Variants in FBXL16 observed in about 807,000 individuals in gnomAD.
The protein encoded by FBXL16 is F-box/LRR-repeat protein 16.
FBXL16 carries 7 observed loss-of-function variants against 36.7 expected under a neutral mutation model. That is an observed-to-expected ratio of 0.19 (90% confidence interval 0.11 to 0.36). The LOEUF (loss-of-function observed/expected upper bound fraction) is 0.36, where lower values mean the gene tolerates loss of function less well. Among genes scored for constraint, FBXL16 ranks in the 10% least tolerant of loss-of-function variants. The pLI is 1.00. For missense variants in FBXL16, 463 were observed against 659.4 expected (o/e 0.70, Z 3.26); for synonymous variants, 355 against 308.7 (o/e 1.15, Z -1.57).
At chr16:694,834 T>G (rs1211686931) in intron 4 of FBXL16, 137 bp from the exon 5 acceptor site, 2 of 1,273,360 alleles carry the variant, frequency 1.6e-6, no homozygotes, top group African/African-American at 3.0e-5. Context: ...GGCTGGGAAG[T>G]GCTCGTGGGG....
chr16:692,977 T>C lies in FBXL16; in HGVS notation c.*1298A>G, dbSNP rs1323022841. 6.6e-6 allele frequency: 1 copy of C among 152,206 alleles called. No individual in the cohort carries two copies. Among genetic ancestry groups the C allele is most frequent in the Non-Finnish European group, 1.5e-5 (1 of 68,032 alleles). 9.4% of individuals were successfully genotyped at this position (152,206 alleles called of 1,614,324 possible). On this transcript the variant is annotated 3_prime_UTR_variant, in exon 6 of 6. Transcript: ENST00000397621. ...AACTGGTTACTCTCTTCCAACCAGATAGGGAGTGTCCCAAGATTGGGTGTG... is the reference window on the plus strand; with the variant it reads ...AACTGGTTACTCTCTTCCAACCAGACAGGGAGTGTCCCAAGATTGGGTGTG...
Position 695,837 on chromosome 16 carries a change from C to G in FBXL16, c.720G>C (p.Leu240=), listed in dbSNP as rs1209926926. 2.5e-6 allele frequency: 4 copies of G among 1,606,778 alleles called. No individual in the cohort carries two copies. Among genetic ancestry groups the G allele is most frequent in the Non-Finnish European group, 2.6e-6 (3 of 1,176,110 alleles). The part of the protein sequence containing the change: ...DFTEAGLWSS[L]SARITSLSVS... The stretch of plus-strand genomic sequence containing the variant: ...CGCTCAGCGAGGTGATGCGCGCGCT[C>G]AGGCTGGACCACAGCCCGGCCTCGG... The change falls in exon 3 of 6, where the codon CTG becomes CTC. Residue 240 remains leucine, a synonymous_variant. Transcript: ENST00000397621.
Position 695,870 on chromosome 16 carries a change from G to A in FBXL16, c.687C>T (p.Asn229=), listed in dbSNP as rs1175203640. 5.6e-6 allele frequency: 9 copies of A among 1,602,468 alleles called. No homozygotes were observed. The highest frequency in any genetic ancestry group is 2.2e-5 in the East Asian group (1 of 44,578). Residue 229 remains asparagine, a synonymous_variant, in exon 3 of 6, where the codon AAC becomes AAT. Transcript: ENST00000397621. ...GVVRLELSGC[N]DFTEAGLWSS... ...ACCACAGCCCGGCCTCGGTGAAGTC[G>A]TTGCAGCCCGACAGCTCCAGACGCA... is the stretch of plus-strand genomic sequence containing the variant.
chr16:694,272 G>A lies in FBXL16; in HGVS notation c.*3C>T, dbSNP rs766158199. On this transcript the variant is annotated 3_prime_UTR_variant, in exon 6 of 6. Coordinates refer to ENST00000397621, the MANE Select transcript of FBXL16 (RefSeq NM_153350.4). The stretch of plus-strand genomic sequence containing the variant: ...TTCCCGCGACCGGGGCGGGGGCCTC[G>A]CGCTACTCAATGACGAGGCAGCGGG... 1.9e-5 allele frequency: 26 copies of A among 1,386,408 alleles called. No homozygotes were observed. Among genetic ancestry groups the A allele is most frequent in the Non-Finnish European group, 2.4e-5 (26 of 1,066,924 alleles). The allele number at this position is 1,386,408 out of a possible 1,614,324, so 85.9% of individuals were successfully genotyped here. A position where few individuals can be genotyped will look rare whatever the true frequency, so the allele number is the denominator to read the frequency against.
intron 5 of FBXL16, 74 bp from the exon 6 acceptor site, chr16:694,497 C>T: frequency 2.0e-6 from 3 of 1,497,040 alleles, no homozygotes; most frequent in Non-Finnish European, 2.7e-6. Context: ...CCGCGCCTCC[C>T]TCCTCCTCCG....
chr16:695,155 G>T, intron 3 of FBXL16, 79 bp from the exon 4 acceptor site: 1 of 1,443,544 alleles, frequency 6.9e-7, no homozygotes, highest in Non-Finnish European at 9.5e-7. Flanking sequence ...GAGTGCCCCT[G>T]GCGTGAATCC....
intron 1 of FBXL16, among the ~76,000 whole-genome samples, chr16:701,334 C>G (rs969952445): frequency 1.3e-5 from 2 of 152,234 alleles, no homozygotes; most frequent in Non-Finnish European, 2.9e-5. Context: ...TTGGTGGGAG[C>G]TGCATCCCCG....
intron 1 of FBXL16, among the ~76,000 whole-genome samples, chr16:698,408 T>C (rs1162915739): frequency 6.6e-6 from 1 of 152,234 alleles, no homozygotes; most frequent in African/African-American, 2.4e-5. Flanking sequence ...GTGGACCTGG[T>C]GAGGCCAGGA....
chr16:705,197 G>T (rs149512442), intron 1 of FBXL16, among the ~76,000 whole-genome samples: 625 of 152,306 alleles, frequency 4.1e-3, no homozygotes, highest in Non-Finnish European at 7.1e-3. Context: ...GGCGCCCGGG[G>T]TGGAGGCCGG....
intron 1 of FBXL16, among the ~76,000 whole-genome samples, chr16:705,171 C>A (rs2040082819): frequency 6.6e-6 from 1 of 152,192 alleles, no homozygotes; most frequent in South Asian, 2.1e-4. Context: ...TCCGGGGGCG[C>A]CCTCTGAGCC....
At position 695,941 on chromosome 16, in the gene FBXL16, C is replaced by T. The variant is rs2040008006; in HGVS notation, c.634-18G>A. On this transcript the variant is annotated intron_variant, in intron 2 of 5. Coordinates refer to ENST00000397621, the MANE Select transcript of FBXL16 (RefSeq NM_153350.4). ...AGCATAACCTGCAGGCGGGCGGGCG[C>T]CGGGTCAGGATTGCAGGAGAAGGGG... 5 of 1,561,874 alleles carry T rather than the reference C, an allele frequency of 3.2e-6. No individual in the cohort carries two copies. Among genetic ancestry groups the T allele is most frequent in the Non-Finnish European group, 4.3e-6 (5 of 1,149,674 alleles).
rs1246647401 is a variant in FBXL16 at position 693,994 on chromosome 16, G to A, written c.*281C>T. ...GGCTGTGGCTGTGGCGTGGCGGAGG[G>A]CGGCGTGCAGTGCGGGCACGAGGGG... On this transcript the variant is annotated 3_prime_UTR_variant, in exon 6 of 6. Coordinates refer to ENST00000397621, the MANE Select transcript of FBXL16 (RefSeq NM_153350.4). 5.6e-6 allele frequency: 1 copy of A among 179,182 alleles called. No homozygotes were observed. The highest frequency in any genetic ancestry group is 1.2e-5 in the Non-Finnish European group (1 of 86,674). The allele number at this position is 179,182 out of a possible 1,614,324, so 11.1% of individuals were successfully genotyped here.
At position 703,046 on chromosome 16, in the gene FBXL16, T is replaced by C. The variant is rs183505848; in HGVS notation, c.-15+2466A>G. On this transcript the variant is annotated intron_variant, in intron 1 of 5. Transcript: ENST00000397621. Reference sequence around the variant, plus strand: ...GCAGACGGATTTTCCAGAAGTTACATAGAGCTAGGATTGGCTCCAAAAGCC... The same window carrying C: ...GCAGACGGATTTTCCAGAAGTTACACAGAGCTAGGATTGGCTCCAAAAGCC... 2.2e-4 allele frequency among the ~76,000 whole-genome samples: 33 copies of C among 152,306 alleles called. No homozygotes were observed. The East Asian group carries it at 2.3e-3, about 11-fold the overall frequency.
Position 696,897 on chromosome 16 carries a change from C to G in FBXL16, c.509G>C (p.Gly170Ala), listed in dbSNP as rs763478740. The G allele has an allele frequency of 3.7e-6, 6 of 1,610,430 alleles. No homozygotes were observed. Among genetic ancestry groups the G allele is most frequent in the South Asian group, 2.2e-5 (2 of 90,700 alleles). ...LQGFAARGFEGFCLVGVSDLD... is the reference protein window; with the variant it reads ...LQGFAARGFEAFCLVGVSDLD... ...GTCGGAGACGCCAACCAGGCAGAAGCCCTCGAAGCCTCTGGCGGCAAAACC... is the reference window on the plus strand; with the variant it reads ...GTCGGAGACGCCAACCAGGCAGAAGGCCTCGAAGCCTCTGGCGGCAAAACC... The change falls in exon 2 of 6, where the codon GGC becomes GCC. Residue 170 changes from glycine (G) to alanine (A), a missense_variant. Gly to Ala is a moderately conservative substitution (Grantham distance 60). Coordinates refer to ENST00000397621, the MANE Select transcript of FBXL16 (RefSeq NM_153350.4).
chr16:700,374 C>A (rs575425876), intron 1 of FBXL16, among the ~76,000 whole-genome samples: 90 of 152,324 alleles, frequency 5.9e-4, no homozygotes, highest in African/African-American at 2.0e-3. Flanking sequence ...CCGGTGACCC[C>A]CATCATGTGC....
chr16:697,190 GC>G lies in FBXL16; in HGVS notation c.215del (p.Gly72AlafsTer87). ...CTGGTCCACCTGCCGGGGTGCACGG[GC>G]CCCCAGCCAGGGCAGCCCGGGACAG... The part of the protein sequence containing the change: ...APLSRAALAG[G>X]PCTPAGGPAS... On this transcript the variant is annotated frameshift_variant, in exon 2 of 6. Coordinates refer to ENST00000397621, the MANE Select transcript of FBXL16 (RefSeq NM_153350.4). LOFTEE classifies it high-confidence loss of function. This position sits in a 1 kb window ranked among gnomAD's most constrained non-coding sequence, Gnocchi z 4.6. 1 of 1,319,658 alleles carries G rather than the reference GC, an allele frequency of 7.6e-7. No individual in the cohort carries two copies. The allele number at this position is 1,319,658 out of a possible 1,614,324, so 81.7% of individuals were successfully genotyped here.
At chr16:694,539 G>T in intron 5 of FBXL16, 95 bp downstream of exon 5, 1 of 1,515,718 alleles carries the variant, frequency 6.6e-7, no homozygotes, top group Non-Finnish European at 8.9e-7. Flanking sequence ...TCCGCGCCGG[G>T]TGTGAGTTTG....
rs1301519849 is a variant in FBXL16, at chr16:697,916, C to T, written c.-14-497G>A. 5.9e-5 allele frequency among the ~76,000 whole-genome samples: 9 copies of T among 151,718 alleles called. No individual in the cohort carries two copies. Among genetic ancestry groups the T allele is most frequent in the East Asian group, 1.9e-4 (1 of 5,140 alleles). On this transcript the variant is annotated intron_variant, in intron 1 of 5. Transcript: ENST00000397621. This position sits in a 1 kb window ranked among gnomAD's most constrained non-coding sequence, Gnocchi z 4.6. ...TTGGGAGGCTGCAGCAGGAGAATGA[C>T]GTGAACCCGGGAGGCGGAGCTTGCA...
rs2040025098 is a variant in FBXL16 at position 697,686 on chromosome 16, CTTTTG to C, written c.-14-272_-14-268del. ...CATTGCCCATGGACACCCTCTTTTT[CTTTTG>C]TTTTTTTTCTTTTTGAAACAGAGTT... On this transcript the variant is annotated intron_variant, in intron 1 of 5. Coordinates refer to ENST00000397621, the MANE Select transcript of FBXL16 (RefSeq NM_153350.4). This position sits in a 1 kb window ranked among gnomAD's most constrained non-coding sequence, Gnocchi z 4.6. Among the ~76,000 whole-genome samples the C allele has an allele frequency of 1.3e-5, 2 of 152,096 alleles. No homozygotes were observed. The highest frequency in any genetic ancestry group is 6.6e-5 in the Admixed American group (1 of 15,260).
Sources: gnomAD v4.1 joint callset for allele counts (sites outside exome capture counted in the v4.1 genomes callset) on GRCh38, gnomAD v4.1.1 for gene constraint, Gnocchi (gnomAD v3.1) non-coding constraint, MANE v1.5 for transcripts, NCBI Gene and HGNC (gene_info 2026-07-23, HGNC 2026-07-21) for gene names.